Variants in GRM3 observed in about 807,000 individuals in gnomAD.
GRM3 encodes the protein glutamate metabotropic receptor 3.
In GRM3, 26 loss-of-function variants were observed where a neutral mutation model predicts 70.5. The ratio of observed to expected loss-of-function variants is 0.37; its 90% CI spans 0.27 to 0.51. The LOEUF is 0.51. Ranked by LOEUF, GRM3 falls within the 20% of genes least tolerant of loss-of-function variation. The probability of loss-of-function intolerance (pLI) is 0.93; values close to 1 mark genes in which losing one functional copy is unlikely to be tolerated. For synonymous variants in GRM3, 443 were observed against 434.9 expected (o/e 1.02, Z -0.23); for missense variants, 859 against 1,123.8 (o/e 0.76, Z 3.37).
At chr7:86,741,201 G>A (rs1476700727) in intron 1 of GRM3, among the ~76,000 whole-genome samples, 1 of 152,188 alleles carries the variant, frequency 6.6e-6, no homozygotes, top group Non-Finnish European at 1.5e-5. Flanking sequence ...CTAGGTTCAA[G>A]AGGCTGAAGA....
intron 1 of GRM3, among the ~76,000 whole-genome samples, chr7:86,654,493 C>T (rs1325230091): frequency 1.3e-5 from 2 of 152,174 alleles, no homozygotes; most frequent in African/African-American, 2.4e-5. Context: ...GACTGTCCCA[C>T]TCACACAGCA....
intron 1 of GRM3, among the ~76,000 whole-genome samples, chr7:86,699,192 C>T (rs1431044719): frequency 2.0e-5 from 3 of 152,098 alleles, no homozygotes; most frequent in South Asian, 2.1e-4. Flanking sequence ...TCACTGAAAT[C>T]GGATCAACTA....
At chr7:86,647,583 C>T (rs1224778580) in intron 1 of GRM3, among the ~76,000 whole-genome samples, 1 of 152,178 alleles carries the variant, frequency 6.6e-6, no homozygotes, top group African/African-American at 2.4e-5. Flanking sequence ...TCACAGTTGT[C>T]TCACTTTGCT....
intron 1 of GRM3, among the ~76,000 whole-genome samples, chr7:86,654,965 A>C (rs1410693787): frequency 6.6e-6 from 1 of 152,242 alleles, no homozygotes; most frequent in Non-Finnish European, 1.5e-5. Context: ...AAGTGAGAGA[A>C]GCTGGAAAAG....
chr7:86,654,869 A>T (rs927229090), intron 1 of GRM3, among the ~76,000 whole-genome samples: 60 of 152,094 alleles, frequency 3.9e-4, no homozygotes, highest in Non-Finnish European at 7.6e-4. Flanking sequence ...TAATGTAGAA[A>T]TTTTTTTTAT....
intron 1 of GRM3, among the ~76,000 whole-genome samples, chr7:86,659,290 T>C (rs1482661137): frequency 6.6e-6 from 1 of 152,220 alleles, no homozygotes; most frequent in Non-Finnish European, 1.5e-5. Flanking sequence ...GAAGATATTG[T>C]GAATAACAAT....
chr7:86,648,544 T>A (rs1358411863), intron 1 of GRM3, among the ~76,000 whole-genome samples: 1 of 152,194 alleles, frequency 6.6e-6, no homozygotes, highest in Non-Finnish European at 1.5e-5. Context: ...AGTAATTCTG[T>A]TAGGATTGGC....
chr7:86,662,424 C>G (rs1562817255), intron 1 of GRM3, among the ~76,000 whole-genome samples: 1 of 151,670 alleles, frequency 6.6e-6, no homozygotes, highest in African/African-American at 2.4e-5. Context: ...ACCTTGGACA[C>G]AATGAACCCT....
intron 3 of GRM3, among the ~76,000 whole-genome samples, chr7:86,826,629 C>T (rs981515849): frequency 2.6e-5 from 4 of 152,062 alleles, no homozygotes; most frequent in Admixed American, 2.0e-4. Context: ...TATGGTGACA[C>T]CATAAGGAAT....
chr7:86,664,498 T>G (rs533633422), intron 1 of GRM3, among the ~76,000 whole-genome samples: 5 of 152,052 alleles, frequency 3.3e-5, no homozygotes, highest in Admixed American at 6.6e-5. Flanking sequence ...TCAAAATTAT[T>G]TATGTGTTAG....
In GRM3 at chr7:86,826,996, A is replaced by G. The variant is rs1291296704; in HGVS notation, c.1325-11843A>G. Among the ~76,000 whole-genome samples, 3 of 152,220 alleles carry G rather than the reference A, an allele frequency of 2.0e-5. No homozygotes were observed. In the East Asian group the frequency reaches 5.8e-4, roughly 29 times the overall value. ...TAATAAGTCTAATTGTTTAGGAAACAATGTGTCCAGTGTTCCTTAATGAGA... is the reference window on the plus strand; with the variant it reads ...TAATAAGTCTAATTGTTTAGGAAACGATGTGTCCAGTGTTCCTTAATGAGA... On this transcript the variant is annotated intron_variant, in intron 3 of 5. Coordinates refer to ENST00000361669, the MANE Select transcript of GRM3 (RefSeq NM_000840.3).
At chr7:86,771,634 T>A (rs1584229458) in intron 2 of GRM3, among the ~76,000 whole-genome samples, 1 of 152,054 alleles carries the variant, frequency 6.6e-6, no homozygotes, top group East Asian at 1.9e-4. Context: ...AATACAATTT[T>A]AAAATAGTAG....
chr7:86,754,905 A>G (rs1242359939), intron 1 of GRM3, among the ~76,000 whole-genome samples: 2 of 152,120 alleles, frequency 1.3e-5, no homozygotes, highest in Non-Finnish European at 2.9e-5. Context: ...TCATGGTGGT[A>G]AGATGCCCAC....
intron 1 of GRM3, among the ~76,000 whole-genome samples, chr7:86,673,370 A>G (rs927483353): frequency 6.6e-6 from 1 of 152,098 alleles, no homozygotes. Context: ...CCAATTATCT[A>G]TCCACTTCAA....
At chr7:86,689,309 G>A (rs1242056911) in intron 1 of GRM3, among the ~76,000 whole-genome samples, 12 of 151,916 alleles carry the variant, frequency 7.9e-5, no homozygotes, top group African/African-American at 2.9e-4. Context: ...AGGTTAAAAT[G>A]TGGGGCAGCG....
intron 1 of GRM3, among the ~76,000 whole-genome samples, chr7:86,726,269 G>A (rs1301749648): frequency 6.6e-6 from 1 of 152,108 alleles, no homozygotes; most frequent in Non-Finnish European, 1.5e-5. Context: ...GTGGGCAGAG[G>A]CCATCTCCTT....
At chr7:86,831,155 CA>C (rs577654653) in intron 3 of GRM3, among the ~76,000 whole-genome samples, 81 of 152,246 alleles carry the variant, frequency 5.3e-4, no homozygotes, top group Middle Eastern at 3.4e-3. Flanking sequence ...TACACTAATA[CA>C]ATGGTTGTAG....
At position 86,798,902 on chromosome 7, in the gene GRM3, A is replaced by G. The variant is rs138485005; in HGVS notation, c.1324+11786A>G. On this transcript the variant is annotated intron_variant, in intron 3 of 5. Coordinates refer to ENST00000361669, the MANE Select transcript of GRM3 (RefSeq NM_000840.3). ...TCTTGCCTGACACCACGTTTATGTG[A>G]CTTTGTGTTCATTCACCTCCTGCCA... is the stretch of plus-strand genomic sequence containing the variant. 4.7e-3 allele frequency among the ~76,000 whole-genome samples: 715 copies of G among 152,172 alleles called. 24 individuals carry two copies. Among genetic ancestry groups the G allele is most frequent in the Admixed American group, 0.044 (675 of 15,298 alleles).
intron 2 of GRM3, among the ~76,000 whole-genome samples, chr7:86,773,835 G>A (rs1796808135): frequency 6.6e-6 from 1 of 152,134 alleles, no homozygotes; most frequent in Middle Eastern, 3.4e-3. Flanking sequence ...TTGCATTGGG[G>A]TTAATTTGTT....
Sources: allele counts gnomAD v4.1 joint callset (sites outside exome capture counted in the v4.1 genomes callset), GRCh38; gene constraint gnomAD v4.1.1; transcripts MANE v1.5; gene names NCBI Gene and HGNC (gene_info 2026-07-23, HGNC 2026-07-21).